Variants in EPHB1 observed in about 807,000 individuals in gnomAD.
EPHB1 encodes EPH receptor B1.
EPHB1 carries 30 observed loss-of-function variants against 94.4 expected under a neutral mutation model. The ratio of observed to expected loss-of-function variants is 0.32; its 90% CI spans 0.24 to 0.43. The LOEUF (loss-of-function observed/expected upper bound fraction) is 0.43, where lower values mean the gene tolerates loss of function less well. EPHB1 is among the 20% of genes least tolerant of loss of function. The pLI, the probability that EPHB1 is intolerant of heterozygous loss-of-function variation, is 1.00. For synonymous variants in EPHB1, 522 were observed against 489.1 expected, an observed-to-expected ratio of 1.07 and a Z score of -0.89; for missense variants, 1,055 against 1,308.3, an observed-to-expected ratio of 0.81 and a Z score of 2.99.
intron 3 of EPHB1, among the ~76,000 whole-genome samples, chr3:134,985,040 T>C (rs1388047201): frequency 6.6e-6 from 1 of 152,188 alleles, no homozygotes; most frequent in Admixed American, 6.5e-5. Context: ...CGTTGAGTAC[T>C]TTTTATTGCA....
At chr3:134,938,055 C>T (rs36160) in intron 2 of EPHB1, among the ~76,000 whole-genome samples, 83,271 of 151,670 alleles carry the variant, frequency 0.55, 24,767 homozygotes, top group African/African-American at 0.77. Context: ...CCCATTATAC[C>T]CTCTTTAAAT....
chr3:135,202,830 A>G (rs1300981494), intron 12 of EPHB1, among the ~76,000 whole-genome samples: 1 of 152,216 alleles, frequency 6.6e-6, no homozygotes, highest in Non-Finnish European at 1.5e-5. Context: ...TCACATATCT[A>G]GAACCAGAAA....
chr3:135,025,158 C>CT (rs1350851400), intron 3 of EPHB1, among the ~76,000 whole-genome samples: 2 of 66,550 alleles, frequency 3.0e-5, no homozygotes, highest in African/African-American at 5.7e-5. Context: ...TCCCTCCTTC[C>CT]TTCTTTCTTT....
At chr3:135,056,973 G>A (rs147071905) in intron 3 of EPHB1, among the ~76,000 whole-genome samples, 19 of 152,308 alleles carry the variant, frequency 1.2e-4, no homozygotes, top group African/African-American at 3.1e-4. Context: ...AGAATGAAAG[G>A]ACATCTGTTA....
chr3:135,197,102 G>GA (rs55900203), intron 11 of EPHB1, among the ~76,000 whole-genome samples: 12,895 of 120,508 alleles, frequency 0.11, 657 homozygotes, highest in East Asian at 0.24. Flanking sequence ...CCAGAAAAAG[G>GA]AAAAAAAAAA....
intron 5 of EPHB1, among the ~76,000 whole-genome samples, chr3:135,141,157 T>C (rs1940812064): frequency 6.6e-6 from 1 of 151,590 alleles, no homozygotes; most frequent in East Asian, 1.9e-4. Flanking sequence ...TTTTTTTTTT[T>C]TTTTTTTCTC....
At chr3:135,170,157 T>A (rs1382166051) in intron 9 of EPHB1, among the ~76,000 whole-genome samples, 1 of 152,208 alleles carries the variant, frequency 6.6e-6, no homozygotes, top group African/African-American at 2.4e-5. Context: ...CTTTCTTGCC[T>A]GCAGGCAAGG....
At position 135,106,470 on chromosome 3, in the gene EPHB1, G is replaced by A. The variant is rs755103946; in HGVS notation, c.828G>A (p.Lys276=). 2.5e-6 allele frequency: 4 copies of A among 1,614,010 alleles called. No homozygotes were observed. The highest frequency in any genetic ancestry group is 3.4e-6 in the Non-Finnish European group (4 of 1,179,892). The change falls in exon 4 of 16, where the codon AAG becomes AAA. Residue 276 remains lysine (K), a synonymous_variant. Coordinates refer to ENST00000398015, the MANE Select transcript of EPHB1 (RefSeq NM_004441.5). ...ACKACPAGTF[K]ASQEAEGCSH... is the part of the protein sequence containing the mutation. The stretch of plus-strand genomic sequence containing the variant: ...TAGCTTGCCCTGCAGGGACATTCAA[G>A]GCCAGCCAGGAAGCTGAAGGCTGCT...
intron 3 of EPHB1, among the ~76,000 whole-genome samples, chr3:135,001,375 A>T (rs1201835077): frequency 6.6e-6 from 1 of 152,182 alleles, no homozygotes; most frequent in Non-Finnish European, 1.5e-5. Context: ...GCTTGCAGGG[A>T]TAAATGTCGG....
chr3:134,972,870 G>A (rs66868541), intron 3 of EPHB1, among the ~76,000 whole-genome samples: 24,097 of 152,040 alleles, frequency 0.16, 2,022 homozygotes, highest in African/African-American at 0.2. Flanking sequence ...CCAAATGGCC[G>A]TCCTGCCTTG....
Position 135,132,880 on chromosome 3 carries a change from T to G in EPHB1, c.1128T>G (p.Asn376Lys). 6.2e-7 allele frequency: 1 copy of G among 1,614,042 alleles called. No individual in the cohort carries two copies. Among genetic ancestry groups the G allele is most frequent in the South Asian group, 1.1e-5 (1 of 91,082 alleles). Residue 376 changes from asparagine to lysine, a missense_variant, in exon 5 of 16, where the codon AAT becomes AAG. Asn to Lys is a moderately conservative substitution (Grantham distance 94, BLOSUM62 0). Transcript: ENST00000398015. Reference sequence around the variant, plus strand: ...GGAGCTGCTCCCGCTGTGACGACAATGTGGAGTTTGTGCCCAGGCAGCTGG... The same window carrying G: ...GGAGCTGCTCCCGCTGTGACGACAAGGTGGAGTTTGTGCCCAGGCAGCTGG... ...DRRSCSRCDD[N>K]VEFVPRQLGL...
Position 134,882,132 on chromosome 3 carries a change from CAT to C in EPHB1, c.59-43682_59-43681del, listed in dbSNP as rs995680712. 7.2e-5 allele frequency among the ~76,000 whole-genome samples: 11 copies of C among 152,142 alleles called. 1 individual carries two copies. Among genetic ancestry groups the C allele is most frequent in the Admixed American group, 2.0e-4 (3 of 15,278 alleles). ...GGAAACACTAGAGGAATCATATACA[CAT>C]AAATTAGGTCCCAAAATACTGGCGC... On this transcript the variant is annotated intron_variant, in intron 1 of 15. Transcript: ENST00000398015.
At chr3:135,235,303 G>A (rs2107725850) in intron 12 of EPHB1, among the ~76,000 whole-genome samples, 1 of 152,310 alleles carries the variant, frequency 6.6e-6, no homozygotes, top group East Asian at 1.9e-4. Context: ...CATGACTTAT[G>A]TCGGATTGAT....
chr3:135,108,015 T>C (rs982284247), intron 4 of EPHB1, among the ~76,000 whole-genome samples: 1 of 152,222 alleles, frequency 6.6e-6, no homozygotes, highest in Admixed American at 6.5e-5. Context: ...TTAAGGATGC[T>C]GAATCACTGC....
intron 3 of EPHB1, among the ~76,000 whole-genome samples, chr3:135,009,110 A>G (rs936972968): frequency 5.3e-5 from 8 of 152,196 alleles, no homozygotes; most frequent in African/African-American, 1.7e-4. Flanking sequence ...ATATGGATGC[A>G]GGAGCAGATG....
intron 1 of EPHB1, among the ~76,000 whole-genome samples, chr3:134,887,472 A>C (rs908654120): frequency 2.3e-4 from 35 of 152,216 alleles, no homozygotes; most frequent in Non-Finnish European, 4.4e-4. Flanking sequence ...TAAGACACAT[A>C]GACATTGGGA....
rs568664962 is a variant in EPHB1 at position 135,079,130 on chromosome 3, C to A, written c.806-27318C>A. Among the ~76,000 whole-genome samples the A allele has an allele frequency of 5.3e-5, 8 of 151,140 alleles. No individual in the cohort carries two copies. The East Asian group carries it at 1.2e-3, about 22-fold the overall frequency. On this transcript the variant is annotated intron_variant, in intron 3 of 15. Transcript: ENST00000398015. ...ACAAACAAGCAAAAACCCCCAAAAACCAAAGAAACACTAAACAGTTACCCA... is the reference window on the plus strand; with the variant it reads ...ACAAACAAGCAAAAACCCCCAAAAAACAAAGAAACACTAAACAGTTACCCA...
intron 9 of EPHB1, among the ~76,000 whole-genome samples, chr3:135,170,173 G>A (rs1312100869): frequency 5.3e-5 from 8 of 152,178 alleles, no homozygotes; most frequent in African/African-American, 1.9e-4. Flanking sequence ...CAAGGCACAG[G>A]ACACTACAGA....
intron 1 of EPHB1, among the ~76,000 whole-genome samples, chr3:134,809,820 C>T (rs2108285509): frequency 6.6e-6 from 1 of 152,322 alleles, no homozygotes; most frequent in Admixed American, 6.5e-5. Flanking sequence ...TGAAAGCTGC[C>T]CTCTGATATG....
Sources: allele counts gnomAD v4.1 joint callset (sites outside exome capture counted in the v4.1 genomes callset), GRCh38; gene constraint gnomAD v4.1.1; transcripts MANE v1.5; gene names NCBI Gene and HGNC (gene_info 2026-07-23, HGNC 2026-07-21).